NMNAT3: variants seen among roughly 807,000 people sequenced by gnomAD.
NMNAT3 encodes the protein nicotinamide nucleotide adenylyltransferase 3.
A neutral mutation model predicts 24.8 loss-of-function variants in NMNAT3; 21 were observed. The ratio of observed to expected loss-of-function variants is 0.85; its 90% CI spans 0.60 to 1.22. The LOEUF (loss-of-function observed/expected upper bound fraction) is 1.22, where lower values mean the gene tolerates loss of function less well. Ranked by LOEUF, NMNAT3 falls within the 50% of genes most tolerant of loss-of-function variation. The pLI is 0.00. For missense variants in NMNAT3, 387 were observed against 436.6 expected (o/e 0.89, Z 1.01); for synonymous variants, 136 against 155.2 (o/e 0.88, Z 0.92).
intron 1 of NMNAT3, among the ~76,000 whole-genome samples, chr3:139,649,639 T>G (rs1159840377): frequency 6.6e-6 from 1 of 152,216 alleles, no homozygotes; most frequent in Middle Eastern, 3.4e-3. Flanking sequence ...TCCTGCACGG[T>G]TAGCTATTGT....
chr3:139,627,298 A>G (rs1221892466), intron 3 of NMNAT3, among the ~76,000 whole-genome samples: 1 of 152,034 alleles, frequency 6.6e-6, no homozygotes, highest in Admixed American at 6.6e-5. Context: ...CTGTGTAGGT[A>G]GATGTTGGGA....
intron 1 of NMNAT3, among the ~76,000 whole-genome samples, chr3:139,642,029 A>G (rs2056720868): frequency 6.6e-6 from 1 of 152,310 alleles, no homozygotes; most frequent in African/African-American, 2.4e-5. Context: ...ATTCTCCCAG[A>G]TGATGAAAGA....
chr3:139,625,344 GT>G (rs1365634624), intron 3 of NMNAT3, among the ~76,000 whole-genome samples: 1 of 152,118 alleles, frequency 6.6e-6, no homozygotes, highest in Non-Finnish European at 1.5e-5. Flanking sequence ...TATTGATATA[GT>G]TAGGTTTAAA....
intron 4 of NMNAT3, among the ~76,000 whole-genome samples, chr3:139,581,627 A>G (rs988932649): frequency 1.3e-5 from 2 of 152,208 alleles, no homozygotes; most frequent in African/African-American, 2.4e-5. Flanking sequence ...GATTCAATTT[A>G]TATAATATTC....
In NMNAT3 at chr3:139,672,234, C is replaced by A. The variant is rs558963109; in HGVS notation, c.-141+5471G>T. 2.0e-4 allele frequency among the ~76,000 whole-genome samples: 30 copies of A among 152,262 alleles called. 1 individual carries two copies. Among genetic ancestry groups the A allele is most frequent in the South Asian group, 4.1e-4 (2 of 4,826 alleles). On this transcript the variant is annotated intron_variant, in intron 1 of 6. Transcript: ENST00000643695. ...TCTGTAAGGCAGTTCCAACCTCATCCCCGGGCTCTGTCCTGCCTTGACACT... is the reference window on the plus strand; with the variant it reads ...TCTGTAAGGCAGTTCCAACCTCATCACCGGGCTCTGTCCTGCCTTGACACT...
Position 139,561,067 on chromosome 3 carries a change from G to A in NMNAT3, c.984C>T (p.Thr328=). ...TTTTGCCTTTCCAGGTACTGCCCTT[G>A]GTGTAGAGGCCATGGTCCTTGATGT... Residue 328 remains threonine (T), a synonymous_variant, in exon 7 of 7, where the codon ACC becomes ACT. Transcript: ENST00000643695. 2 of 1,613,994 alleles carry A rather than the reference G, an allele frequency of 1.2e-6. No homozygotes were observed. The highest frequency in any genetic ancestry group is 1.7e-6 in the Non-Finnish European group (2 of 1,180,004).
chr3:139,588,777 G>C (rs910132872), intron 3 of NMNAT3, among the ~76,000 whole-genome samples: 1 of 152,174 alleles, frequency 6.6e-6, no homozygotes, highest in Non-Finnish European at 1.5e-5. Context: ...TTGGACCAGA[G>C]AGAACCTTTA....
At chr3:139,620,507 A>G (rs2055718916) in intron 3 of NMNAT3, among the ~76,000 whole-genome samples, 1 of 151,978 alleles carries the variant, frequency 6.6e-6, no homozygotes, top group Non-Finnish European at 1.5e-5. Context: ...ATTCCTTTTT[A>G]TTGCTGAATA....
At chr3:139,669,462 G>A (rs2057687520) in intron 1 of NMNAT3, among the ~76,000 whole-genome samples, 1 of 126,102 alleles carries the variant, frequency 7.9e-6, no homozygotes, top group African/African-American at 2.9e-5. Context: ...GGGCAACAGA[G>A]TGAGACCCTG....
intron 6 of NMNAT3, among the ~76,000 whole-genome samples, chr3:139,563,301 A>G (rs1377801270): frequency 2.0e-5 from 3 of 152,308 alleles, no homozygotes; most frequent in African/African-American, 7.2e-5. Flanking sequence ...TATAAAGGAG[A>G]ACAGTGTTTG....
chr3:139,632,640 C>T (rs531855527), intron 2 of NMNAT3, among the ~76,000 whole-genome samples: 1 of 152,338 alleles, frequency 6.6e-6, no homozygotes, highest in East Asian at 1.9e-4. Flanking sequence ...AGGCCCTCTA[C>T]TGGACAGTAG....
intron 6 of NMNAT3, among the ~76,000 whole-genome samples, chr3:139,572,982 C>T (rs1938643280): frequency 1.3e-5 from 2 of 152,168 alleles, no homozygotes; most frequent in African/African-American, 4.8e-5. Flanking sequence ...GGTGCTTCTG[C>T]TTATTTGCAT....
chr3:139,577,134 A>G (rs2108080704), intron 5 of NMNAT3, among the ~76,000 whole-genome samples: 1 of 152,124 alleles, frequency 6.6e-6, no homozygotes, highest in African/African-American at 2.4e-5. Context: ...TCAAAAAAAA[A>G]AAATTAAAAA....
intron 3 of NMNAT3, among the ~76,000 whole-genome samples, chr3:139,590,993 G>T (rs866218744): frequency 1.3e-5 from 2 of 152,056 alleles, no homozygotes; most frequent in Non-Finnish European, 2.9e-5. Flanking sequence ...GAACAGCTCC[G>T]GTCTACAGCT....
At chr3:139,671,942 T>G (rs1205537488) in intron 1 of NMNAT3, among the ~76,000 whole-genome samples, 1 of 152,184 alleles carries the variant, frequency 6.6e-6, no homozygotes, top group African/African-American at 2.4e-5. Flanking sequence ...CTCATTCACT[T>G]CCACCTGCCA....
chr3:139,674,882 G>C (rs946347620), intron 1 of NMNAT3, among the ~76,000 whole-genome samples: 1 of 152,134 alleles, frequency 6.6e-6, no homozygotes, highest in African/African-American at 2.4e-5. Flanking sequence ...ACTGAGGTCA[G>C]TGCTTCATAT....
chr3:139,673,521 A>G (rs1464400832), intron 1 of NMNAT3, among the ~76,000 whole-genome samples: 1 of 151,944 alleles, frequency 6.6e-6, no homozygotes, highest in East Asian at 1.9e-4. Context: ...TCCCTCCAAC[A>G]CTTTTGGCCC....
At position 139,607,886 on chromosome 3, in the gene NMNAT3, T is replaced by C. The variant is rs1576632962; in HGVS notation, c.109+19730A>G. 3.3e-5 allele frequency among the ~76,000 whole-genome samples: 5 copies of C among 152,208 alleles called. No individual in the cohort carries two copies. The East Asian group carries it at 9.6e-4, about 29-fold the overall frequency. ...TTAAGATTTATTTTCCCTATAATTA[T>C]CAGTAACTCATAAATTTCCCCAAGG... On this transcript the variant is annotated intron_variant, in intron 3 of 6. Transcript: ENST00000643695.
rs766799882 is a variant in NMNAT3, at chr3:139,578,831, C to T, written c.575+41G>A. Reference sequence around the variant, plus strand: ...CCCTGTAAGCTCTGCAGACATCTCCCGTGGCCCCTGGTCATCACACAGGAG... The same window carrying T: ...CCCTGTAAGCTCTGCAGACATCTCCTGTGGCCCCTGGTCATCACACAGGAG... On this transcript the variant is annotated intron_variant, in intron 5 of 6. Coordinates refer to ENST00000643695, the MANE Select transcript of NMNAT3 (RefSeq NM_001320510.2). 7.3e-5 allele frequency: 114 copies of T among 1,553,618 alleles called. 1 individual carries two copies. The highest frequency in any genetic ancestry group is 1.1e-4 in the East Asian group (5 of 44,146).
Sources: allele counts gnomAD v4.1 joint callset (sites outside exome capture counted in the v4.1 genomes callset), GRCh38; gene constraint gnomAD v4.1.1; transcripts MANE v1.5; gene names NCBI Gene and HGNC (gene_info 2026-07-23, HGNC 2026-07-21).